The following EGFR variants were observed in gnomAD, a reference collection of about 807,000 sequenced individuals.
EGFR encodes avian erythroblastic leukemia viral (v-erb-b) oncogene homolog.
In EGFR, 58 loss-of-function variants were observed where a neutral mutation model predicts 143.0. The ratio of observed to expected loss-of-function variants is 0.41; its 90% confidence interval spans 0.33 to 0.50. The LOEUF is 0.50. Among genes scored for constraint, EGFR ranks in the 20% least tolerant of loss-of-function variants. The pLI is 0.39. For synonymous variants in EGFR, 613 were observed against 594.4 expected (o/e 1.03, Z -0.45); for missense variants, 1,307 against 1,579.0 (o/e 0.83, Z 2.92).
rs2128975125 is a variant in EGFR at position 55,205,289 on chromosome 7, C to T, written c.3305C>T (p.Ala1102Val). ...YINQSVPKRP[A>V]GSVQNPVYHN... Reference sequence around the variant, plus strand: ...AACCAGTCCGTTCCCAAAAGGCCCGCTGGCTCTGTGCAGAATCCTGTCTAT... The same window carrying T: ...AACCAGTCCGTTCCCAAAAGGCCCGTTGGCTCTGTGCAGAATCCTGTCTAT... Residue 1102 changes from alanine to valine, a missense_variant, in exon 28 of 28, where the codon GCT becomes GTT. Physicochemically the swap from Ala to Val is moderately conservative, Grantham distance 64. Coordinates refer to ENST00000275493, the MANE Select transcript of EGFR (RefSeq NM_005228.5). 1 of 1,612,934 alleles carries T rather than the reference C, an allele frequency of 6.2e-7. No individual in the cohort carries two copies. The highest frequency in any genetic ancestry group is 2.2e-5 in the East Asian group (1 of 44,882).
chr7:55,203,481 TACATACACACAGACAC>T lies in EGFR; in HGVS notation c.3271+858_3271+873del, dbSNP rs1366532315. Among the ~76,000 whole-genome samples the T allele has an allele frequency of 6.8e-3, 898 of 132,032 alleles. 12 individuals carry two copies. Among genetic ancestry groups the T allele is most frequent in the African/African-American group, 0.025 (835 of 33,766 alleles). 86.6% of individuals were successfully genotyped at this position (132,032 alleles called of 152,430 possible). A position where few individuals can be genotyped will look rare whatever the true frequency, so the allele number is the denominator to read the frequency against. The stretch of plus-strand genomic sequence containing the variant: ...TGCACACATACACACACACCACACA[TACATACACACAGACAC>T]ATATACACTACACACACCATTACAT... On this transcript the variant is annotated intron_variant, in intron 27 of 27. Coordinates refer to ENST00000275493, the MANE Select transcript of EGFR (RefSeq NM_005228.5).
At chr7:55,153,271 G>T (rs1785247934) in intron 6 of EGFR, among the ~76,000 whole-genome samples, 1 of 152,264 alleles carries the variant, frequency 6.6e-6, no homozygotes, top group Non-Finnish European at 1.5e-5. Context: ...GCCAGCAGAA[G>T]CCTTGCTGCC....
chr7:55,074,529 C>T (rs1790026663), intron 1 of EGFR, among the ~76,000 whole-genome samples: 1 of 152,156 alleles, frequency 6.6e-6, no homozygotes, highest in African/African-American at 2.4e-5. Flanking sequence ...GAAGTCTTTC[C>T]AGAATTATTT....
At chr7:55,070,166 CT>C (rs1789736846) in intron 1 of EGFR, among the ~76,000 whole-genome samples, 1 of 152,190 alleles carries the variant, frequency 6.6e-6, no homozygotes, top group African/African-American at 2.4e-5. Context: ...ATTTTCTCCC[CT>C]ATCCCAGGCT....
rs984803729 is a variant in EGFR at position 55,208,657 on chromosome 7, AG to A, written c.*3045del. 1.6e-4 allele frequency: 24 copies of A among 152,132 alleles called. No homozygotes were observed. Among genetic ancestry groups the A allele is most frequent in the African/African-American group, 5.3e-4 (22 of 41,436 alleles). The allele number at this position is 152,132 out of a possible 1,614,324, so 9.4% of individuals were successfully genotyped here. A position where few individuals can be genotyped will look rare whatever the true frequency, so the allele number is the denominator to read the frequency against. ...ATATTCGCTGTGAGTCCAGGTTGTA[AG>A]GGGGAGCACTGTGGATGCATCCTAT... is the stretch of plus-strand genomic sequence containing the variant. On this transcript the variant is annotated 3_prime_UTR_variant, in exon 28 of 28. Transcript: ENST00000275493.
At chr7:55,021,278 A>C (rs1786552201) in intron 1 of EGFR, among the ~76,000 whole-genome samples, 1 of 152,224 alleles carries the variant, frequency 6.6e-6, no homozygotes, top group Non-Finnish European at 1.5e-5. Flanking sequence ...TGCTCCGGAG[A>C]CTGCTGACTG....
chr7:55,150,898 T>C (rs1181581494), intron 4 of EGFR, among the ~76,000 whole-genome samples: 1 of 152,204 alleles, frequency 6.6e-6, no homozygotes. Flanking sequence ...CACTCAAGAC[T>C]GGACACAGCA....
chr7:55,073,098 A>C (rs1233296874), intron 1 of EGFR, among the ~76,000 whole-genome samples: 1 of 152,248 alleles, frequency 6.6e-6, no homozygotes, highest in Non-Finnish European at 1.5e-5. Flanking sequence ...GGAATGAAGC[A>C]AATATCTAAC....
intron 15 of EGFR, among the ~76,000 whole-genome samples, chr7:55,165,951 G>T (rs888743720): frequency 6.6e-6 from 1 of 152,170 alleles, no homozygotes; most frequent in Non-Finnish European, 1.5e-5. Context: ...TCCAAGGCAG[G>T]CAGATCACTT....
chr7:55,129,221 C>G (rs954565137), intron 1 of EGFR, among the ~76,000 whole-genome samples: 3 of 152,166 alleles, frequency 2.0e-5, no homozygotes. Context: ...CTGGGGAGGC[C>G]TTTGCAGAGG....
chr7:55,100,958 G>A (rs773831754), intron 1 of EGFR, among the ~76,000 whole-genome samples: 14 of 152,196 alleles, frequency 9.2e-5, no homozygotes, highest in Non-Finnish European at 1.3e-4. Flanking sequence ...CAGTGTCGGC[G>A]TCCCTGCCTC....
intron 20 of EGFR, among the ~76,000 whole-genome samples, chr7:55,186,652 A>G (rs1401809096): frequency 6.6e-6 from 1 of 152,282 alleles, no homozygotes; most frequent in East Asian, 1.9e-4. Context: ...CAAAGCTCAC[A>G]GTGCTGTTGA....
At chr7:55,175,499 A>T (rs1786556026) in intron 19 of EGFR, among the ~76,000 whole-genome samples, 1 of 152,184 alleles carries the variant, frequency 6.6e-6, no homozygotes, top group South Asian at 2.1e-4. Flanking sequence ...CAGTGGTGGG[A>T]AGATGCTGGC....
rs746554400 is a variant in EGFR at position 55,200,433 on chromosome 7, C to T, written c.2946+20C>T. 2.7e-5 allele frequency: 43 copies of T among 1,607,898 alleles called. No individual in the cohort carries two copies. The highest frequency in any genetic ancestry group is 1.6e-4 in the Middle Eastern group (1 of 6,076). On this transcript the variant is annotated intron_variant, in intron 24 of 27. Coordinates refer to ENST00000275493, the MANE Select transcript of EGFR (RefSeq NM_005228.5). ...ATTCAGGTACAAATTGCAGTCTGTG[C>T]TTCCATTGGGAAGAGTCCCTCTAAT... is the stretch of plus-strand genomic sequence containing the variant.
intron 8 of EGFR, among the ~76,000 whole-genome samples, 156 bp from the exon 9 acceptor site, chr7:55,156,377 C>T (rs1056478558): frequency 5.9e-5 from 9 of 152,236 alleles, no homozygotes; most frequent in Non-Finnish European, 1.3e-4. Context: ...TGCACTCTCC[C>T]CAGCCCCTTC....
intron 1 of EGFR, among the ~76,000 whole-genome samples, chr7:55,127,464 C>T (rs889071697): frequency 3.6e-4 from 55 of 152,096 alleles, no homozygotes; most frequent in Non-Finnish European, 5.4e-4. Flanking sequence ...ACCCCCTCAC[C>T]CCCCACCACC....
chr7:55,114,945 G>C (rs556905222), intron 1 of EGFR, among the ~76,000 whole-genome samples: 5 of 147,610 alleles, frequency 3.4e-5, no homozygotes, highest in African/African-American at 1.3e-4. Flanking sequence ...GCAATGGTGC[G>C]ATCTCTGCTC....
chr7:55,092,943 C>A (rs958793050), intron 1 of EGFR, among the ~76,000 whole-genome samples: 5 of 152,210 alleles, frequency 3.3e-5, no homozygotes, highest in Admixed American at 2.6e-4. Context: ...TTAAGAATAA[C>A]CAATTAGAGT....
rs1785384107 is a variant in EGFR at position 55,155,857 on chromosome 7, C to T, written c.917C>T (p.Ser306Leu). The change falls in exon 8 of 28, where the codon TCG becomes TTG. Residue 306 changes from serine to leucine, a missense_variant. Ser to Leu is a moderately radical substitution (Grantham distance 145). Transcript: ENST00000275493. Reference protein sequence around the residue: ...PRNYVVTDHGSCVRACGADSY... With the variant: ...PRNYVVTDHGLCVRACGADSY... ...AATTATGTGGTGACAGATCACGGCT[C>T]GTGCGTCCGAGCCTGTGGGGCCGAC... 1.9e-6 allele frequency: 3 copies of T among 1,613,984 alleles called. No homozygotes were observed. Among genetic ancestry groups the T allele is most frequent in the Non-Finnish European group, 1.7e-6 (2 of 1,179,996 alleles).
Sources: gnomAD v4.1 joint callset for allele counts (sites outside exome capture counted in the v4.1 genomes callset) on GRCh38, gnomAD v4.1.1 for gene constraint, MANE v1.5 for transcripts, NCBI Gene and HGNC (gene_info 2026-07-23, HGNC 2026-07-21) for gene names.